The following EVI5 variants were observed in gnomAD, a reference collection of about 807,000 sequenced individuals.
The protein encoded by EVI5 is ecotropic viral integration site 5 protein homolog.
Under a neutral mutation model 112.0 loss-of-function variants are expected in EVI5, and 73 were observed. That is an observed-to-expected ratio of 0.65 (90% CI 0.54 to 0.79). The LOEUF (loss-of-function observed/expected upper bound fraction) is 0.79, where lower values mean the gene tolerates loss of function less well. Among genes scored for constraint, EVI5 ranks in the 30% least tolerant of loss-of-function variants. The probability of loss-of-function intolerance (pLI) is 0.00; values close to 1 mark genes in which losing one functional copy is unlikely to be tolerated. For synonymous variants in EVI5, 305 were observed against 319.9 expected (o/e 0.95, Z 0.50); for missense variants, 900 against 968.8 (o/e 0.93, Z 0.94).
At chr1:92,690,768 CAT>C (rs1416892951) in intron 9 of EVI5, among the ~76,000 whole-genome samples, 2 of 152,164 alleles carry the variant, frequency 1.3e-5, no homozygotes, top group Admixed American at 6.5e-5. Context: ...AGAGGGAAAA[CAT>C]AACCTCATAA....
At chr1:92,522,926 T>C (rs1661216873) in intron 19 of EVI5, among the ~76,000 whole-genome samples, 1 of 151,702 alleles carries the variant, frequency 6.6e-6, no homozygotes, top group Admixed American at 6.6e-5. Context: ...CTAACTAGTA[T>C]TTATTTTATT....
At chr1:92,514,294 C>A (rs1489123316) in intron 19 of EVI5, among the ~76,000 whole-genome samples, 3 of 152,072 alleles carry the variant, frequency 2.0e-5, no homozygotes, top group African/African-American at 7.2e-5. Context: ...GCTGGGACTA[C>A]AGGCGTGTGT....
At chr1:92,784,633 G>GGGCGGC (rs71586764) in intron 1 of EVI5, 7 of 306,970 alleles carry the variant, frequency 2.3e-5, no homozygotes, top group Admixed American at 6.5e-5. Context: ...GGAGGGCTGC[G>GGGCGGC]GGCGGCGGCG....
chr1:92,641,719 C>T (rs1660005587), intron 13 of EVI5, among the ~76,000 whole-genome samples: 1 of 152,102 alleles, frequency 6.6e-6, no homozygotes, highest in South Asian at 2.1e-4. Flanking sequence ...TCTTCCTCTC[C>T]CTCAGCATAT....
intron 14 of EVI5, among the ~76,000 whole-genome samples, chr1:92,632,289 T>C (rs1657343705): frequency 1.3e-5 from 2 of 152,170 alleles, no homozygotes; most frequent in African/African-American, 4.8e-5. Context: ...TGGTAGAATT[T>C]GGCTGTGAAT....
rs542046617 is a variant in EVI5, at chr1:92,662,085, G to A, written c.1392+634C>T. Among the ~76,000 whole-genome samples the A allele has an allele frequency of 3.3e-5, 5 of 152,220 alleles. No homozygotes were observed. The South Asian group carries it at 6.2e-4, about 19-fold the overall frequency. ...TGTACAATTAGTAGCTGTTTAGTACGCACCCTAGGTTGATTAAGATAATTA... is the reference window on the plus strand; with the variant it reads ...TGTACAATTAGTAGCTGTTTAGTACACACCCTAGGTTGATTAAGATAATTA... On this transcript the variant is annotated intron_variant, in intron 13 of 19. Coordinates refer to ENST00000684568, the MANE Select transcript of EVI5 (RefSeq NM_001350197.2).
intron 9 of EVI5, among the ~76,000 whole-genome samples, chr1:92,686,363 C>T (rs1668535800): frequency 1.3e-5 from 2 of 152,160 alleles, no homozygotes; most frequent in South Asian, 4.2e-4. Context: ...ATGCTAAAAA[C>T]TCTCAATAAA....
At chr1:92,604,860 TACCATATATGCTGTCC>T (rs1045350875) in intron 18 of EVI5, among the ~76,000 whole-genome samples, 1 of 152,164 alleles carries the variant, frequency 6.6e-6, no homozygotes, top group African/African-American at 2.4e-5. Flanking sequence ...ATGGGACCAT[TACCATATATGCTGTCC>T]GTCACTGAAA....
At chr1:92,741,921 C>T (rs1274179225) in intron 1 of EVI5, among the ~76,000 whole-genome samples, 1 of 151,922 alleles carries the variant, frequency 6.6e-6, no homozygotes, top group Admixed American at 6.6e-5. Flanking sequence ...GCAATGATTC[C>T]TTAGACTAAC....
chr1:92,732,852 A>G lies in EVI5; in HGVS notation c.149+3546T>C, dbSNP rs1273818540. ...GAGGCAGACATTGCAGTGAGCAGAG[A>G]TCGCACCACTGCACTCCAGCCTGGG... On this transcript the variant is annotated intron_variant, in intron 2 of 19. Coordinates refer to ENST00000684568, the MANE Select transcript of EVI5 (RefSeq NM_001350197.2). 2.1e-5 allele frequency among the ~76,000 whole-genome samples: 3 copies of G among 144,670 alleles called. No individual in the cohort carries two copies. The East Asian group carries it at 6.2e-4, about 30-fold the overall frequency. 94.9% of individuals were successfully genotyped at this position (144,670 alleles called of 152,430 possible). A position where few individuals can be genotyped will look rare whatever the true frequency, so the allele number is the denominator to read the frequency against.
In EVI5 at chr1:92,713,108, T is replaced by C. The variant is rs183909376; in HGVS notation, c.150-8364A>G. The stretch of plus-strand genomic sequence containing the variant: ...CAGCCTGAAATTAATTTTAATAATT[T>C]ATTTTATCAAATACAGTTGAAATGT... On this transcript the variant is annotated intron_variant, in intron 2 of 19. Transcript: ENST00000684568. Among the ~76,000 whole-genome samples the C allele has an allele frequency of 3.4e-3, 512 of 152,226 alleles. 1 individual carries two copies. Among genetic ancestry groups the C allele is most frequent in the Non-Finnish European group, 6.0e-3 (407 of 68,022 alleles).
chr1:92,520,087 G>C (rs1362303734), intron 19 of EVI5, among the ~76,000 whole-genome samples: 1 of 151,976 alleles, frequency 6.6e-6, no homozygotes, highest in African/African-American at 2.4e-5. Context: ...AGTTTCTTTT[G>C]GGGTGTTCTA....
chr1:92,779,245 AG>A (rs1684551314), intron 1 of EVI5, among the ~76,000 whole-genome samples: 1 of 152,194 alleles, frequency 6.6e-6, no homozygotes, highest in South Asian at 2.1e-4. Flanking sequence ...GGTCTAGGCC[AG>A]GTGCAGTGCC....
At chr1:92,593,149 A>G (rs1042906205) in intron 18 of EVI5, among the ~76,000 whole-genome samples, 1 of 152,228 alleles carries the variant, frequency 6.6e-6, no homozygotes, top group African/African-American at 2.4e-5. Flanking sequence ...GTCCCTGATG[A>G]ACATCGATGC....
At chr1:92,671,243 C>T (rs1665831536) in intron 10 of EVI5, among the ~76,000 whole-genome samples, 1 of 152,118 alleles carries the variant, frequency 6.6e-6, no homozygotes, top group African/African-American at 2.4e-5. Context: ...GTCATTTCTC[C>T]ATCCTCATTT....
At chr1:92,556,671 A>G (rs1474713251) in intron 19 of EVI5, among the ~76,000 whole-genome samples, 1 of 152,236 alleles carries the variant, frequency 6.6e-6, no homozygotes, top group Non-Finnish European at 1.5e-5. Flanking sequence ...CAAAATGAGT[A>G]CATGTATTAA....
At chr1:92,709,830 G>A (rs1277011752) in intron 2 of EVI5, among the ~76,000 whole-genome samples, 1 of 151,922 alleles carries the variant, frequency 6.6e-6, no homozygotes, top group African/African-American at 2.4e-5. Flanking sequence ...ACGTGATGAG[G>A]AACAACTCAA....
chr1:92,663,100 A>C (rs1267636205), intron 12 of EVI5, among the ~76,000 whole-genome samples: 1 of 152,228 alleles, frequency 6.6e-6, no homozygotes, highest in African/African-American at 2.4e-5. Flanking sequence ...ATAAAAATTT[A>C]ATTCATGCAA....
In EVI5 at chr1:92,784,725, C is replaced by T; in HGVS notation, c.-82+111G>A. 4 of 808,886 alleles carry T rather than the reference C, an allele frequency of 4.9e-6. No homozygotes were observed. The South Asian group carries it at 1.7e-4, about 34-fold the overall frequency. 50.1% of individuals were successfully genotyped at this position (808,886 alleles called of 1,614,324 possible). A position where few individuals can be genotyped will look rare whatever the true frequency, so the allele number is the denominator to read the frequency against. On this transcript the variant is annotated intron_variant, in intron 1 of 19. Transcript: ENST00000684568. ...CGCCCGCCCCGCTCCCACAGCAAAA[C>T]TTGCGGCGGCCCCCGCCCGCCGCGC...
Sources: gnomAD v4.1 joint callset for allele counts (sites outside exome capture counted in the v4.1 genomes callset) on GRCh38, gnomAD v4.1.1 for gene constraint, MANE v1.5 for transcripts, NCBI Gene and HGNC (gene_info 2026-07-23, HGNC 2026-07-21) for gene names.